FHIT: variants seen among roughly 807,000 people sequenced by gnomAD.
The protein encoded by FHIT is fragile histidine triad diadenosine triphosphatase.
FHIT carries 19 observed loss-of-function variants against 17.9 expected under a neutral mutation model. That is an observed-to-expected ratio of 1.06 (90% CI 0.74 to 1.56). FHIT has a LOEUF of 1.56. Among genes scored for constraint, FHIT ranks in the 40% most tolerant of loss-of-function variants. The pLI is 0.00. For missense variants in FHIT, 248 were observed against 189.2 expected (o/e 1.31, Z -1.82); for synonymous variants, 81 against 69.7 (o/e 1.16, Z -0.81).
chr3:60,084,088 T>C (rs186779608), intron 5 of FHIT, among the ~76,000 whole-genome samples: 23 of 152,288 alleles, frequency 1.5e-4, no homozygotes, highest in African/African-American at 5.3e-4. Flanking sequence ...AATATGATCC[T>C]CTATACGTAC....
intron 2 of FHIT, among the ~76,000 whole-genome samples, chr3:61,195,378 A>G (rs1232031371): frequency 6.6e-6 from 1 of 152,216 alleles, no homozygotes; most frequent in Non-Finnish European, 1.5e-5. Flanking sequence ...AACAGACACC[A>G]GGATTTCTAG....
intron 5 of FHIT, among the ~76,000 whole-genome samples, chr3:60,485,152 A>G (rs1023758179): frequency 1.3e-5 from 2 of 152,182 alleles, no homozygotes; most frequent in Admixed American, 6.5e-5. Flanking sequence ...ACCAAGAAAC[A>G]ACAGATGCTG....
At chr3:59,972,436 G>A (rs916004244) in intron 7 of FHIT, among the ~76,000 whole-genome samples, 10 of 152,032 alleles carry the variant, frequency 6.6e-5, no homozygotes, top group East Asian at 1.9e-4. Context: ...TATCCTTGGC[G>A]CTCACTGTAG....
chr3:60,639,221 A>G (rs2039666119), intron 4 of FHIT, among the ~76,000 whole-genome samples: 1 of 151,748 alleles, frequency 6.6e-6, no homozygotes, highest in Admixed American at 6.6e-5. Flanking sequence ...TGAGCTAGAG[A>G]GAGAAGTTTG....
At chr3:60,514,566 G>T (rs181372719) in intron 5 of FHIT, among the ~76,000 whole-genome samples, 5 of 152,270 alleles carry the variant, frequency 3.3e-5, no homozygotes. Flanking sequence ...TGACGGGTTG[G>T]TAGATGCAGC....
At chr3:60,893,206 A>C (rs992983708) in intron 3 of FHIT, among the ~76,000 whole-genome samples, 1 of 152,116 alleles carries the variant, frequency 6.6e-6, no homozygotes, top group East Asian at 1.9e-4. Context: ...AACTCCAGGA[A>C]CCAGCCTTGG....
At chr3:59,890,731 T>C (rs1246765110) in intron 8 of FHIT, among the ~76,000 whole-genome samples, 3 of 152,202 alleles carry the variant, frequency 2.0e-5, no homozygotes, top group Admixed American at 2.0e-4. Flanking sequence ...AATATCATAG[T>C]TCAAAGTACT....
chr3:60,567,413 C>A (rs1344886143), intron 4 of FHIT, among the ~76,000 whole-genome samples: 1 of 152,176 alleles, frequency 6.6e-6, no homozygotes. Flanking sequence ...ATATAGAAAG[C>A]TGAAACTGGA....
chr3:60,556,130 C>A (rs2036730699), intron 4 of FHIT, among the ~76,000 whole-genome samples: 1 of 152,182 alleles, frequency 6.6e-6, no homozygotes, highest in East Asian at 1.9e-4. Flanking sequence ...CTCCTCCTGA[C>A]CTGGAATGAA....
chr3:59,854,732 C>A (rs925693951), intron 8 of FHIT, among the ~76,000 whole-genome samples: 37 of 152,116 alleles, frequency 2.4e-4, no homozygotes, highest in Admixed American at 2.0e-3. Context: ...GAACCGAGGT[C>A]CAGGAAACTC....
chr3:60,064,655 A>C (rs755143394), intron 5 of FHIT, among the ~76,000 whole-genome samples: 1 of 152,224 alleles, frequency 6.6e-6, no homozygotes, highest in Admixed American at 6.5e-5. Context: ...GCATGTGCAC[A>C]TACACACAAC....
chr3:60,649,318 C>T lies in FHIT; in HGVS notation c.-17-112339G>A, dbSNP rs577206473. ...AGGAGTCTGAGGCAGGAGGCTGAGG[C>T]GTTAACCTGGGAGGCAGAGCTTGCA... On this transcript the variant is annotated intron_variant, in intron 4 of 9. Coordinates refer to ENST00000492590, the MANE Select transcript of FHIT (RefSeq NM_002012.4). Among the ~76,000 whole-genome samples the T allele has an allele frequency of 3.0e-4, 45 of 152,218 alleles. No individual in the cohort carries two copies. The South Asian group carries it at 6.4e-3, about 22-fold the overall frequency.
At chr3:60,635,936 C>G (rs2039573153) in intron 4 of FHIT, among the ~76,000 whole-genome samples, 1 of 152,146 alleles carries the variant, frequency 6.6e-6, no homozygotes, top group East Asian at 1.9e-4. Flanking sequence ...AAGGGTCATA[C>G]ACACAGGCCA....
chr3:60,797,010 C>T (rs2594167), intron 4 of FHIT, among the ~76,000 whole-genome samples: 60,070 of 151,998 alleles, frequency 0.4, 13,341 homozygotes, highest in East Asian at 0.79. Flanking sequence ...TATTACATTG[C>T]TTTATTATTT....
At chr3:60,166,838 A>G (rs895184284) in intron 5 of FHIT, among the ~76,000 whole-genome samples, 2 of 152,170 alleles carry the variant, frequency 1.3e-5, no homozygotes, top group African/African-American at 4.8e-5. Context: ...ACCAAATATT[A>G]TATCTAGGGT....
chr3:60,593,502 G>C (rs1407585256), intron 4 of FHIT, among the ~76,000 whole-genome samples: 2 of 152,070 alleles, frequency 1.3e-5, no homozygotes, highest in East Asian at 1.9e-4. Flanking sequence ...CCCTGCCCCT[G>C]GGTTCTCTAT....
chr3:60,764,521 G>C (rs1699780952), intron 4 of FHIT, among the ~76,000 whole-genome samples: 1 of 152,086 alleles, frequency 6.6e-6, no homozygotes, highest in Admixed American at 6.5e-5. Context: ...ATGTAAACCT[G>C]GGGTAGCAAA....
At chr3:60,886,308 C>T (rs1371539175) in intron 3 of FHIT, among the ~76,000 whole-genome samples, 1 of 152,192 alleles carries the variant, frequency 6.6e-6, no homozygotes, top group Non-Finnish European at 1.5e-5. Flanking sequence ...AAAATCTTGG[C>T]AAGGCGCCTA....
intron 4 of FHIT, among the ~76,000 whole-genome samples, chr3:60,546,398 C>G (rs1338683234): frequency 2.0e-5 from 3 of 152,160 alleles, no homozygotes; most frequent in African/African-American, 7.2e-5. Flanking sequence ...GGATCTTTAT[C>G]CTTAGTATAT....
Sources: gnomAD v4.1 joint callset for allele counts (sites outside exome capture counted in the v4.1 genomes callset) on GRCh38, gnomAD v4.1.1 for gene constraint, MANE v1.5 for transcripts, NCBI Gene and HGNC (gene_info 2026-07-23, HGNC 2026-07-21) for gene names.